The following PRKAR1B variants were observed in gnomAD, a reference collection of about 807,000 sequenced individuals.
PRKAR1B encodes the protein cAMP-dependent protein kinase type I-beta regulatory subunit.
PRKAR1B carries 22 observed loss-of-function variants against 46.5 expected under a neutral mutation model. The observed-to-expected ratio is 0.47, with a 90% CI of 0.34 to 0.68. PRKAR1B has a LOEUF of 0.68. Among genes scored for constraint, PRKAR1B ranks in the 30% least tolerant of loss-of-function variants. The probability of loss-of-function intolerance (pLI) is 0.01; values close to 1 mark genes in which losing one functional copy is unlikely to be tolerated. For synonymous variants in PRKAR1B, 259 were observed against 217.7 expected, an observed-to-expected ratio of 1.19 and a Z score of -1.67; for missense variants, 445 against 535.6, an observed-to-expected ratio of 0.83 and a Z score of 1.67.
chr7:612,544 T>C (rs1782581824), intron 4 of PRKAR1B, among the ~76,000 whole-genome samples: 1 of 151,524 alleles, frequency 6.6e-6, no homozygotes, highest in Admixed American at 6.6e-5. Flanking sequence ...GGTGGATGGA[T>C]AGATGGATGG....
intron 2 of PRKAR1B, among the ~76,000 whole-genome samples, chr7:688,536 A>T (rs1779229956): frequency 6.6e-6 from 1 of 152,140 alleles, no homozygotes; most frequent in Non-Finnish European, 1.5e-5. Context: ...CCTCAGCCCC[A>T]TACCCCTCAC....
rs972643665 is a variant in PRKAR1B, at chr7:692,757, C to T, written c.178-12031G>A. Among the ~76,000 whole-genome samples the T allele has an allele frequency of 3.9e-5, 6 of 152,080 alleles. No individual in the cohort carries two copies. The South Asian group carries it at 6.2e-4, about 16-fold the overall frequency. On this transcript the variant is annotated intron_variant, in intron 2 of 10. Coordinates refer to ENST00000537384, the MANE Select transcript of PRKAR1B (RefSeq NM_001164760.2). ...AAGGTTGGGGAGGCAGGAACACAGC[C>T]GGAGACCGACCCGGGCACTCAACGC...
chr7:635,993 TC>T (rs1441431212), intron 4 of PRKAR1B, among the ~76,000 whole-genome samples: 2 of 86,440 alleles, frequency 2.3e-5, no homozygotes, highest in African/African-American at 4.5e-5. Flanking sequence ...CGCCCTCACG[TC>T]CTCCACCGGC....
At chr7:578,095 G>C (rs1025107278) in intron 9 of PRKAR1B, among the ~76,000 whole-genome samples, 1 of 152,232 alleles carries the variant, frequency 6.6e-6, no homozygotes. Context: ...ACGGGTGGGC[G>C]TGGCTTACGG....
rs552425876 is a variant in PRKAR1B at position 683,745 on chromosome 7, C to T, written c.178-3019G>A. Among the ~76,000 whole-genome samples, 20 of 152,364 alleles carry T rather than the reference C, an allele frequency of 1.3e-4. No homozygotes were observed. The East Asian group carries it at 2.9e-3, about 22-fold the overall frequency. ...GGCCTCAAGCCCCACTCCTGGCCCA[C>T]CTGCCACGTGCCAGGCACGGCACCC... On this transcript the variant is annotated intron_variant, in intron 2 of 10. Transcript: ENST00000537384.
intron 2 of PRKAR1B, among the ~76,000 whole-genome samples, chr7:691,340 T>C (rs1200067453): frequency 6.6e-6 from 1 of 152,154 alleles, no homozygotes; most frequent in Non-Finnish European, 1.5e-5. Flanking sequence ...CAGGCCAAGA[T>C]CAGGACCTCT....
At chr7:574,746 C>T (rs773782309) in intron 9 of PRKAR1B, among the ~76,000 whole-genome samples, 1 of 152,146 alleles carries the variant, frequency 6.6e-6, no homozygotes, top group Non-Finnish European at 1.5e-5. Flanking sequence ...GCCTGGCCAG[C>T]GACCCAGATT....
At chr7:570,577 G>A (rs1583220682) in intron 9 of PRKAR1B, among the ~76,000 whole-genome samples, 1 of 152,204 alleles carries the variant, frequency 6.6e-6, no homozygotes, top group Non-Finnish European at 1.5e-5. Context: ...TCCCCTCAGG[G>A]TGACTGCCCT....
At chr7:638,734 C>G (rs1024065786) in intron 4 of PRKAR1B, among the ~76,000 whole-genome samples, 18 of 152,204 alleles carry the variant, frequency 1.2e-4, no homozygotes, top group Non-Finnish European at 2.5e-4. Context: ...TGACACCAAA[C>G]TGATCTATCA....
chr7:584,008 C>T (rs1406976302), intron 8 of PRKAR1B, among the ~76,000 whole-genome samples: 2 of 152,230 alleles, frequency 1.3e-5, no homozygotes, highest in African/African-American at 4.8e-5. Context: ...CACCTGAAAC[C>T]CCAGCCTGCC....
chr7:610,627 G>GC (rs1228415944), intron 4 of PRKAR1B, among the ~76,000 whole-genome samples: 2 of 152,166 alleles, frequency 1.3e-5, no homozygotes, highest in African/African-American at 4.8e-5. Context: ...CCAGGCAACA[G>GC]CCCCGAGGTG....
rs577920296 is a variant in PRKAR1B at position 676,341 on chromosome 7, C to A, written c.440+888G>T. Among the ~76,000 whole-genome samples the A allele has an allele frequency of 2.1e-3, 313 of 152,340 alleles. 2 individuals are homozygous for A. Among genetic ancestry groups the A allele is most frequent in the African/African-American group, 7.2e-3 (300 of 41,576 alleles). On this transcript the variant is annotated intron_variant, in intron 4 of 10. Transcript: ENST00000537384. Reference sequence around the variant, plus strand: ...ACCTCCTCTGTCCCCTCACTGCGACCCTGCAGACCTCATCTGCTGTCACCT... The same window carrying A: ...ACCTCCTCTGTCCCCTCACTGCGACACTGCAGACCTCATCTGCTGTCACCT...
At chr7:556,734 G>A (rs1562516385) in intron 9 of PRKAR1B, among the ~76,000 whole-genome samples, 1 of 152,074 alleles carries the variant, frequency 6.6e-6, no homozygotes, top group Non-Finnish European at 1.5e-5. Flanking sequence ...CCGGCACGTC[G>A]ACCCTCCACC....
rs965165397 is a variant in PRKAR1B, at chr7:560,815, C to T, written c.892-9345G>A. On this transcript the variant is annotated intron_variant, in intron 9 of 10. Coordinates refer to ENST00000537384, the MANE Select transcript of PRKAR1B (RefSeq NM_001164760.2). This position sits in a 1 kb window ranked among gnomAD's most constrained non-coding sequence, Gnocchi z 4.2. Reference sequence around the variant, plus strand: ...AACGGGACAGTCATCATGAGGGCGGCGGCCATGAGTGAACGTAAGAGTGGA... The same window carrying T: ...AACGGGACAGTCATCATGAGGGCGGTGGCCATGAGTGAACGTAAGAGTGGA... Among the ~76,000 whole-genome samples, 4 of 152,318 alleles carry T rather than the reference C, an allele frequency of 2.6e-5. 1 individual carries two copies. Among genetic ancestry groups the T allele is most frequent in the Admixed American group, 2.6e-4 (4 of 15,304 alleles).
chr7:649,772 C>T (rs75141600), intron 4 of PRKAR1B, among the ~76,000 whole-genome samples: 5,242 of 151,542 alleles, frequency 0.035, 117 homozygotes, highest in African/African-American at 0.057. Context: ...TGCTATGTTG[C>T]CCAGGCTGCT....
At chr7:682,160 C>T (rs1357589893) in intron 2 of PRKAR1B, among the ~76,000 whole-genome samples, 1 of 152,170 alleles carries the variant, frequency 6.6e-6, no homozygotes, top group African/African-American at 2.4e-5. Context: ...TAAGGCCACA[C>T]CGGGTAGCTC....
rs1313143117 is a variant in PRKAR1B at position 583,929 on chromosome 7, A to G, written c.769+579T>C. On this transcript the variant is annotated intron_variant, in intron 8 of 10. Transcript: ENST00000537384. ...CAGCTGGCGCCATCGCGTATAACTC[A>G]GGCTTCAGCAGCGTCTTTCCTGCCA... Among the ~76,000 whole-genome samples, 3 of 152,270 alleles carry G rather than the reference A, an allele frequency of 2.0e-5. No homozygotes were observed. In the East Asian group the frequency reaches 5.8e-4, roughly 29 times the overall value.
chr7:661,307 C>G lies in PRKAR1B; in HGVS notation c.440+15922G>C, dbSNP rs181960767. On this transcript the variant is annotated intron_variant, in intron 4 of 10. Coordinates refer to ENST00000537384, the MANE Select transcript of PRKAR1B (RefSeq NM_001164760.2). ...ACGGATCCAAATACCTACTCTCCCCCCCATGGCACAGGTCCCCACGCCAAC... is the reference window on the plus strand; with the variant it reads ...ACGGATCCAAATACCTACTCTCCCCGCCATGGCACAGGTCCCCACGCCAAC... 1.6e-3 allele frequency among the ~76,000 whole-genome samples: 87 copies of G among 55,950 alleles called. 1 individual carries two copies. The highest frequency in any genetic ancestry group is 7.1e-3 in the African/African-American group (82 of 11,616). The allele number at this position is 55,950 out of a possible 152,430, so 36.7% of individuals were successfully genotyped here.
intron 2 of PRKAR1B, among the ~76,000 whole-genome samples, chr7:702,532 G>A (rs907351881): frequency 6.6e-6 from 1 of 152,152 alleles, no homozygotes; most frequent in African/African-American, 2.4e-5. Flanking sequence ...ATCATATTAA[G>A]ATGCATCATA....
Sources: allele counts gnomAD v4.1 joint callset (sites outside exome capture counted in the v4.1 genomes callset), GRCh38; gene constraint gnomAD v4.1.1; non-coding constraint Gnocchi (gnomAD v3.1); transcripts MANE v1.5; gene names NCBI Gene and HGNC (gene_info 2026-07-23, HGNC 2026-07-21).